Variants in UTRN observed in about 807,000 individuals in gnomAD.
UTRN encodes dystrophin-related protein 1.
UTRN carries 283 observed loss-of-function variants against 463.9 expected under a neutral mutation model. The observed-to-expected ratio is 0.61, with a 90% CI of 0.55 to 0.67. The LOEUF is 0.67. Ranked by LOEUF, UTRN falls within the 30% of genes least tolerant of loss-of-function variation. The probability of loss-of-function intolerance (pLI) is 0.00; values close to 1 mark genes in which losing one functional copy is unlikely to be tolerated. For synonymous variants in UTRN, 1,442 were observed against 1,431.5 expected, an observed-to-expected ratio of 1.01 and a Z score of -0.17; for missense variants, 3,922 against 4,084.3, an observed-to-expected ratio of 0.96 and a Z score of 1.08.
At chr6:144,820,282 G>A (rs1242601487) in intron 65 of UTRN, among the ~76,000 whole-genome samples, 2 of 152,088 alleles carry the variant, frequency 1.3e-5, no homozygotes, top group Admixed American at 1.3e-4. Flanking sequence ...TGTAGTTCAG[G>A]TAAAATAATT....
intron 10 of UTRN, 80 bp from the exon 11 acceptor site, chr6:144,437,485 A>T: frequency 7.3e-7 from 1 of 1,372,568 alleles, no homozygotes; most frequent in Non-Finnish European, 9.7e-7. Context: ...CATTTAGGTT[A>T]GGCATTAGCA....
At position 144,285,694 on chromosome 6, in the gene UTRN, A is replaced by C. The variant is rs1803601264; in HGVS notation, c.-220A>C. 6.6e-6 allele frequency: 1 copy of C among 151,640 alleles called. No homozygotes were observed. Among genetic ancestry groups the C allele is most frequent in the African/African-American group, 2.4e-5 (1 of 41,218 alleles). 9.4% of individuals were successfully genotyped at this position (151,640 alleles called of 1,614,324 possible). ...AAGCTTTATTTTTTTTTTTAAATACATCGCACCACCAAACTAACACTCGCA... is the reference window on the plus strand; with the variant it reads ...AAGCTTTATTTTTTTTTTTAAATACCTCGCACCACCAAACTAACACTCGCA... On this transcript the variant is annotated 5_prime_UTR_variant, in exon 1 of 75. Coordinates refer to ENST00000367545, the MANE Select transcript of UTRN (RefSeq NM_007124.3).
At chr6:144,664,466 TCTTA>T in intron 51 of UTRN, among the ~76,000 whole-genome samples, 1 of 134,574 alleles carries the variant, frequency 7.4e-6, no homozygotes, top group African/African-American at 3.0e-5. Flanking sequence ...TACTCTGTTG[TCTTA>T]CTTTTTTTTT....
At chr6:144,568,310 G>A (rs1211351766) in intron 50 of UTRN, among the ~76,000 whole-genome samples, 1 of 151,928 alleles carries the variant, frequency 6.6e-6, no homozygotes, top group Non-Finnish European at 1.5e-5. Flanking sequence ...TAGGTTTTTA[G>A]TCTGTGTTCT....
chr6:144,527,454 A>C (rs1467099299), intron 41 of UTRN, among the ~76,000 whole-genome samples: 1 of 152,208 alleles, frequency 6.6e-6, no homozygotes, highest in Non-Finnish European at 1.5e-5. Context: ...GACTTTACGT[A>C]ACCTGATGAC....
At chr6:144,517,226 C>G (rs563143106) in intron 39 of UTRN, among the ~76,000 whole-genome samples, 109 of 152,014 alleles carry the variant, frequency 7.2e-4, no homozygotes, top group Middle Eastern at 3.4e-3. Context: ...TCCTCCAATT[C>G]CATATTTTAT....
At chr6:144,542,742 G>A (rs1294212388) in intron 45 of UTRN, 53 bp from the exon 46 acceptor site, 3 of 1,556,932 alleles carry the variant, frequency 1.9e-6, no homozygotes, top group Non-Finnish European at 2.6e-6. Flanking sequence ...TTGAACTACA[G>A]TCATCTTTAT....
At chr6:144,587,552 C>T (rs1802585578) in intron 51 of UTRN, among the ~76,000 whole-genome samples, 1 of 152,124 alleles carries the variant, frequency 6.6e-6, no homozygotes, top group South Asian at 2.1e-4. Context: ...ATGTACAGCT[C>T]CCTGTATTTA....
At chr6:144,525,188 A>G (rs1008696688) in intron 41 of UTRN, among the ~76,000 whole-genome samples, 5 of 152,086 alleles carry the variant, frequency 3.3e-5, no homozygotes, top group African/African-American at 9.7e-5. Flanking sequence ...TATTAGGGTA[A>G]TACTGGCTTC....
intron 51 of UTRN, among the ~76,000 whole-genome samples, chr6:144,609,439 A>G (rs115638693): frequency 0.017 from 2,588 of 152,338 alleles, 76 homozygotes; most frequent in African/African-American, 0.058. Flanking sequence ...AAATATATAA[A>G]GCAATTATAA....
At chr6:144,646,116 T>C (rs1778277035) in intron 51 of UTRN, among the ~76,000 whole-genome samples, 2 of 152,194 alleles carry the variant, frequency 1.3e-5, no homozygotes, top group Admixed American at 6.6e-5. Flanking sequence ...TACTTAACAG[T>C]TCACTTTGTC....
chr6:144,330,950 C>G (rs551364700), intron 2 of UTRN: 12 of 985,206 alleles, frequency 1.2e-5, no homozygotes, highest in Non-Finnish European at 1.4e-5. Flanking sequence ...TTGGAGGACA[C>G]GCTGAGCCGA....
chr6:144,688,703 T>C (rs1783008239), intron 52 of UTRN, among the ~76,000 whole-genome samples: 4 of 152,190 alleles, frequency 2.6e-5, no homozygotes, highest in Admixed American at 2.6e-4. Flanking sequence ...ATTGTAGTAG[T>C]AATGTGCTTG....
rs1431073592 is a variant in UTRN, at chr6:144,513,954, A to G, written c.4990A>G (p.Ile1664Val). ...AATATTTGATGGGAACGTGGCTCACATAAGTACCTGGCTTTATCAAGCTGA... is the reference window on the plus strand; with the variant it reads ...AATATTTGATGGGAACGTGGCTCACGTAAGTACCTGGCTTTATCAAGCTGA... ...LEIFDGNVAHISTWLYQAEAL... is the reference protein window; with the variant it reads ...LEIFDGNVAHVSTWLYQAEAL... The change falls in exon 36 of 75, where the codon ATA (isoleucine) becomes GTA (valine). Residue 1664 changes from isoleucine to valine, a missense_variant. This residue lies in a region of UTRN where 2,349 missense variants were observed against 2,303.8 expected (regional missense o/e 1.02). Transcript: ENST00000367545. 1.9e-6 allele frequency: 3 copies of G among 1,613,944 alleles called. No homozygotes were observed. Among genetic ancestry groups the G allele is most frequent in the African/African-American group, 2.7e-5 (2 of 74,948 alleles).
At chr6:144,334,419 C>T (rs1014880488) in intron 2 of UTRN, among the ~76,000 whole-genome samples, 13 of 150,860 alleles carry the variant, frequency 8.6e-5, no homozygotes, top group African/African-American at 3.2e-4. Flanking sequence ...TTAGCGCCCC[C>T]GGGAGTGGTA....
chr6:144,631,878 G>A (rs1285468122), intron 51 of UTRN, among the ~76,000 whole-genome samples: 1 of 152,184 alleles, frequency 6.6e-6, no homozygotes, highest in Non-Finnish European at 1.5e-5. Context: ...TTAATTTAGA[G>A]GGAATGGAGG....
At chr6:144,770,999 T>G (rs1793943088) in intron 58 of UTRN, among the ~76,000 whole-genome samples, 1 of 152,204 alleles carries the variant, frequency 6.6e-6, no homozygotes, top group African/African-American at 2.4e-5. Flanking sequence ...TTCTGCAATC[T>G]TTGGAAATAT....
intron 50 of UTRN, among the ~76,000 whole-genome samples, chr6:144,565,189 A>G (rs1205173176): frequency 1.3e-5 from 2 of 152,208 alleles, no homozygotes; most frequent in Non-Finnish European, 2.9e-5. Context: ...AAACAATCCA[A>G]GATGGTATTT....
At chr6:144,394,466 C>T (rs1039103268) in intron 2 of UTRN, among the ~76,000 whole-genome samples, 35 of 152,152 alleles carry the variant, frequency 2.3e-4, no homozygotes, top group African/African-American at 8.4e-4. Context: ...CCAGGTTCCT[C>T]CCATAACCCA....
Sources: allele counts gnomAD v4.1 joint callset (sites outside exome capture counted in the v4.1 genomes callset), GRCh38; gene constraint gnomAD v4.1.1; regional missense constraint gnomAD v4.1.1; transcripts MANE v1.5; gene names NCBI Gene and HGNC (gene_info 2026-07-23, HGNC 2026-07-21).